Variants in ZC3HAV1 observed in about 807,000 individuals in gnomAD.
ZC3HAV1 encodes zinc finger CCCH-type antiviral protein 1.
A neutral mutation model predicts 86.6 loss-of-function variants in ZC3HAV1; 41 were observed. The observed-to-expected ratio is 0.47, with a 90% CI of 0.37 to 0.61. The LOEUF is 0.61. Ranked by LOEUF, ZC3HAV1 falls within the 20% of genes least tolerant of loss-of-function variation. The probability of loss-of-function intolerance (pLI) is 0.00; values close to 1 mark genes in which losing one functional copy is unlikely to be tolerated. For synonymous variants in ZC3HAV1, 421 were observed against 432.1 expected (o/e 0.97, Z 0.32); for missense variants, 964 against 1,141.1 (o/e 0.84, Z 2.24).
rs75511837 is a variant in ZC3HAV1, at chr7:139,091,877, G to A, written c.309-2118C>T. Among the ~76,000 whole-genome samples, 1,194 of 152,250 alleles carry A rather than the reference G, an allele frequency of 7.8e-3. 11 individuals carry two copies. The highest frequency in any genetic ancestry group is 0.028 in the African/African-American group (1,145 of 41,538). The stretch of plus-strand genomic sequence containing the variant: ...TCTGATATATTTAGCTGTTGTACTT[G>A]AGCGAGTTAGAGAAAACGCCACACT... On this transcript the variant is annotated intron_variant, in intron 1 of 12. Transcript: ENST00000242351.
intron 8 of ZC3HAV1, among the ~76,000 whole-genome samples, chr7:139,063,851 C>A (rs548690655): frequency 5.9e-4 from 89 of 151,934 alleles, no homozygotes; most frequent in Non-Finnish European, 1.2e-3. Flanking sequence ...AAATTTAATA[C>A]CCTAATTTAT....
intron 12 of ZC3HAV1, among the ~76,000 whole-genome samples, chr7:139,049,122 CTCCT>C (rs1816047346): frequency 7.4e-6 from 1 of 135,712 alleles, no homozygotes; most frequent in Non-Finnish European, 1.5e-5. Flanking sequence ...CTCTCTCTCT[CTCCT>C]TTTTTTTTTT....
chr7:139,102,974 G>GTATA (rs1423932997), intron 1 of ZC3HAV1, among the ~76,000 whole-genome samples: 9 of 147,522 alleles, frequency 6.1e-5, no homozygotes, highest in African/African-American at 1.7e-4. Context: ...ATATGTATAT[G>GTATA]TGTGTGTGTG....
At position 139,066,987 on chromosome 7, in the gene ZC3HAV1, G is replaced by A. The variant is rs148736831; in HGVS notation, c.1873-1988C>T. 1.6e-4 allele frequency among the ~76,000 whole-genome samples: 24 copies of A among 152,310 alleles called. No homozygotes were observed. The East Asian group carries it at 4.6e-3, about 29-fold the overall frequency. ...TCCATACTTCAGCCAGCTCCCGGGT[G>A]ATGCTGAGGCTGATGCTGCTGGTCT... On this transcript the variant is annotated intron_variant, in intron 7 of 12. Transcript: ENST00000242351.
intron 9 of ZC3HAV1, among the ~76,000 whole-genome samples, chr7:139,060,083 T>C (rs1816400493): frequency 6.6e-6 from 1 of 152,188 alleles, no homozygotes; most frequent in Non-Finnish European, 1.5e-5. Context: ...GCTGCTGCAG[T>C]TCTAAAGCAG....
intron 11 of ZC3HAV1, 89 bp downstream of exon 11, chr7:139,053,876 A>G (rs1816208955): frequency 1.3e-6 from 2 of 1,521,262 alleles, no homozygotes; most frequent in Non-Finnish European, 1.8e-6. Flanking sequence ...AACTACTAAA[A>G]TAAATCAGTG....
chr7:139,103,737 A>C (rs1817844828), intron 1 of ZC3HAV1, among the ~76,000 whole-genome samples: 1 of 152,250 alleles, frequency 6.6e-6, no homozygotes, highest in African/African-American at 2.4e-5. Flanking sequence ...CTATATATCC[A>C]TTACTGGGGG....
At chr7:139,078,518 T>C (rs750035289) in intron 5 of ZC3HAV1, 34 bp downstream of exon 5, 1 of 1,516,072 alleles carries the variant, frequency 6.6e-7, no homozygotes, top group South Asian at 1.2e-5. Flanking sequence ...GGCCAAAAGG[T>C]GGAAGCTTAC....
rs2130677072 is a variant in ZC3HAV1, at chr7:139,061,096, A to G, written c.2036T>C (p.Val679Ala). ...TNIASKTQKD[V>A]IRRPTFVPQW... ...AGGCACAAATGTTGGTCTTCTGATG[A>G]CATCCTTTTGAGTTTTGGAAGCTAT... The change falls in exon 9 of 13, where the codon GTC becomes GCC. Residue 679 changes from valine to alanine, a missense_variant. Physicochemically the swap from Val to Ala is moderately conservative, Grantham distance 64. Coordinates refer to ENST00000242351, the MANE Select transcript of ZC3HAV1 (RefSeq NM_020119.4). 1.2e-6 allele frequency: 2 copies of G among 1,613,854 alleles called. No homozygotes were observed. Among genetic ancestry groups the G allele is most frequent in the Middle Eastern group, 1.6e-4 (1 of 6,062 alleles).
chr7:139,053,458 G>A lies in ZC3HAV1; in HGVS notation c.2442C>T (p.Tyr814=), dbSNP rs11977775. ...CTCTATCCCGGCACTAACCTTTTCC[G>A]TATTTGTTTTCATGAGTTTCATGTA... ...SFLHETHENK[Y]GKGIYFAKDA... is the part of the protein sequence containing the mutation. The change falls in exon 12 of 13, where the codon TAC becomes TAT. Residue 814 remains tyrosine, a synonymous_variant. Transcript: ENST00000242351. 0.039 allele frequency: 62,143 copies of A among 1,590,994 alleles called. 3,385 individuals are homozygous for A. Among genetic ancestry groups the A allele is most frequent in the African/African-American group, 0.27 (19,682 of 73,712 alleles).
At chr7:139,056,379 GT>G (rs56128644) in intron 9 of ZC3HAV1, among the ~76,000 whole-genome samples, 67,496 of 130,238 alleles carry the variant, frequency 0.52, 17,419 homozygotes, top group East Asian at 0.66. Context: ...TGTTTTTATT[GT>G]TTTTTTTTTT....
chr7:139,089,245 C>G (rs1817362916), intron 2 of ZC3HAV1, among the ~76,000 whole-genome samples: 1 of 151,768 alleles, frequency 6.6e-6, no homozygotes, highest in Non-Finnish European at 1.5e-5. Flanking sequence ...TTGAGGGGGT[C>G]TCTGTTACAA....
At chr7:139,073,363 G>A (rs1481671552) in intron 7 of ZC3HAV1, among the ~76,000 whole-genome samples, 1 of 151,860 alleles carries the variant, frequency 6.6e-6, no homozygotes, top group Non-Finnish European at 1.5e-5. Context: ...TGCAATTGGA[G>A]TACATGTTTG....
chr7:139,063,732 A>C (rs1183184280), intron 8 of ZC3HAV1, among the ~76,000 whole-genome samples: 1 of 137,496 alleles, frequency 7.3e-6, no homozygotes, highest in Non-Finnish European at 1.7e-5. Flanking sequence ...TCAAAAAAAA[A>C]AAAAAAAAAA....
intron 12 of ZC3HAV1, among the ~76,000 whole-genome samples, chr7:139,052,742 C>T (rs996747706): frequency 2.7e-5 from 4 of 149,134 alleles, no homozygotes; most frequent in South Asian, 4.3e-4. Flanking sequence ...GGCAACATGG[C>T]GAAACCCTGT....
intron 1 of ZC3HAV1, among the ~76,000 whole-genome samples, chr7:139,096,381 C>T (rs953399186): frequency 4.6e-5 from 7 of 152,106 alleles, no homozygotes; most frequent in Admixed American, 1.3e-4. Context: ...GCTGGCTTCT[C>T]CCCACCACCC....
At chr7:139,079,029 A>G (rs1165843953) in intron 4 of ZC3HAV1, 11 of 1,510,612 alleles carry the variant, frequency 7.3e-6, no homozygotes, top group South Asian at 1.2e-5. Flanking sequence ...GGAACATCCA[A>G]GGAAAAACCA....
chr7:139,070,954 C>T (rs1816755856), intron 7 of ZC3HAV1, among the ~76,000 whole-genome samples: 1 of 151,832 alleles, frequency 6.6e-6, no homozygotes, highest in African/African-American at 2.4e-5. Flanking sequence ...TGCACTCTAG[C>T]CTGGGTAACA....
Position 139,076,300 on chromosome 7 carries a change from G to T in ZC3HAV1, c.1683C>A (p.Asn561Lys). 6.2e-7 allele frequency: 1 copy of T among 1,614,160 alleles called. No homozygotes were observed. Among genetic ancestry groups the T allele is most frequent in the Non-Finnish European group, 8.5e-7 (1 of 1,180,026 alleles). The change falls in exon 6 of 13, where the codon AAC becomes AAA. Residue 561 changes from asparagine (N) to lysine (K), a missense_variant. Transcript: ENST00000242351. Reference sequence around the variant, plus strand: ...CACCAACTTACAGGTGGATTCCGGGGTTACAGTAGCCTTTCTCGATCGTCT... The same window carrying T: ...CACCAACTTACAGGTGGATTCCGGGTTTACAGTAGCCTTTCTCGATCGTCT... The part of the protein sequence containing the change: ...HMETIEKGYC[N>K]PGIHLCSVGS...
Sources: gnomAD v4.1 joint callset for allele counts (sites outside exome capture counted in the v4.1 genomes callset) on GRCh38, gnomAD v4.1.1 for gene constraint, MANE v1.5 for transcripts, NCBI Gene and HGNC (gene_info 2026-07-23, HGNC 2026-07-21) for gene names.